Variants in NSMCE2 observed in about 807,000 individuals in gnomAD.
The protein encoded by NSMCE2 is E3 SUMO-protein ligase NSE2.
A neutral mutation model predicts 23.8 loss-of-function variants in NSMCE2; 24 were observed. The observed-to-expected ratio is 1.01, with a 90% CI of 0.73 to 1.42. The LOEUF is 1.42. NSMCE2 is among the 40% of genes most tolerant of loss of function. The probability of loss-of-function intolerance (pLI) is 0.00; values close to 1 mark genes in which losing one functional copy is unlikely to be tolerated. For synonymous variants in NSMCE2, 92 were observed against 94.1 expected (o/e 0.98, Z 0.13); for missense variants, 284 against 296.5 (o/e 0.96, Z 0.31).
chr8:125,137,689 A>G (rs186127014), intron 3 of NSMCE2, among the ~76,000 whole-genome samples: 1 of 152,314 alleles, frequency 6.6e-6, no homozygotes, highest in Admixed American at 6.5e-5. Context: ...GTTTATGCCC[A>G]AAGGGTGGTG....
intron 3 of NSMCE2, among the ~76,000 whole-genome samples, chr8:125,126,198 C>G (rs1586472031): frequency 6.6e-6 from 1 of 152,036 alleles, no homozygotes; most frequent in South Asian, 2.1e-4. Context: ...GCTTGGCCAA[C>G]TTGGTGAAGA....
intron 3 of NSMCE2, 106 bp downstream of exon 3, chr8:125,102,593 C>T (rs1818250437): frequency 7.4e-6 from 6 of 811,310 alleles, no homozygotes; most frequent in Non-Finnish European, 1.2e-5. Flanking sequence ...GATTTAACCC[C>T]TCTAGGCATC....
chr8:125,268,719 C>G (rs557704341), intron 5 of NSMCE2, among the ~76,000 whole-genome samples: 7 of 152,038 alleles, frequency 4.6e-5, no homozygotes, highest in Non-Finnish European at 7.4e-5. Flanking sequence ...AAAGAGATGC[C>G]CTGGGAGGAA....
At chr8:125,108,043 A>T (rs1342400466) in intron 3 of NSMCE2, among the ~76,000 whole-genome samples, 4 of 149,316 alleles carry the variant, frequency 2.7e-5, no homozygotes, top group African/African-American at 5.0e-5. Context: ...CAAAAAAAAA[A>T]TAAAAAAAAT....
intron 5 of NSMCE2, among the ~76,000 whole-genome samples, chr8:125,212,725 TG>T (rs1824399172): frequency 6.6e-6 from 1 of 152,220 alleles, no homozygotes. Context: ...ATTTTTTAAA[TG>T]TAGGATAGGA....
chr8:125,217,363 T>TTG (rs1824639163), intron 5 of NSMCE2, among the ~76,000 whole-genome samples: 2 of 151,488 alleles, frequency 1.3e-5, no homozygotes, highest in South Asian at 4.2e-4. Context: ...TTATTTATTT[T>TTG]TTATTTATTT....
At chr8:125,149,131 T>C (rs537163406) in intron 3 of NSMCE2, among the ~76,000 whole-genome samples, 96 of 152,298 alleles carry the variant, frequency 6.3e-4, no homozygotes, top group African/African-American at 2.2e-3. Flanking sequence ...GTTAAACATA[T>C]ATTTAATTTG....
At chr8:125,120,574 C>T (rs7831515) in intron 3 of NSMCE2, among the ~76,000 whole-genome samples, 74,022 of 152,062 alleles carry the variant, frequency 0.49, 22,309 homozygotes, top group African/African-American at 0.86. Context: ...TAGTTTCTTA[C>T]GATATTGGGC....
chr8:125,167,616 T>G (rs1821957761), intron 4 of NSMCE2, among the ~76,000 whole-genome samples: 1 of 151,894 alleles, frequency 6.6e-6, no homozygotes, highest in Non-Finnish European at 1.5e-5. Flanking sequence ...GCCTGGCAAC[T>G]GAGCAAGACT....
chr8:125,221,296 A>G (rs897787569), intron 5 of NSMCE2, among the ~76,000 whole-genome samples: 2 of 152,218 alleles, frequency 1.3e-5, no homozygotes, highest in African/African-American at 2.4e-5. Flanking sequence ...CCCATGCTGA[A>G]GTGCAGTGAC....
intron 5 of NSMCE2, among the ~76,000 whole-genome samples, chr8:125,316,608 C>CTTT (rs1829191785): frequency 6.7e-6 from 1 of 149,602 alleles, no homozygotes; most frequent in African/African-American, 2.5e-5. Context: ...TTCCTTCTTT[C>CTTT]CTTTCTTTAT....
At chr8:125,285,629 A>G (rs2131143140) in intron 5 of NSMCE2, among the ~76,000 whole-genome samples, 1 of 152,282 alleles carries the variant, frequency 6.6e-6, no homozygotes, top group Non-Finnish European at 1.5e-5. Flanking sequence ...GCACATAGTA[A>G]GTATCAATAA....
intron 5 of NSMCE2, among the ~76,000 whole-genome samples, chr8:125,222,604 G>A (rs747282790): frequency 2.0e-5 from 3 of 152,076 alleles, no homozygotes; most frequent in Non-Finnish European, 4.4e-5. Flanking sequence ...CCACGTGTAA[G>A]TGAGATCATA....
At chr8:125,093,097 A>C (rs2130283789) in intron 1 of NSMCE2, among the ~76,000 whole-genome samples, 1 of 152,350 alleles carries the variant, frequency 6.6e-6, no homozygotes, top group South Asian at 2.1e-4. Context: ...CTGTAACGGA[A>C]ATGCCATAAA....
At chr8:125,142,279 T>C (rs1280798455) in intron 3 of NSMCE2, among the ~76,000 whole-genome samples, 1 of 152,184 alleles carries the variant, frequency 6.6e-6, no homozygotes, top group Non-Finnish European at 1.5e-5. Context: ...CCATTATATA[T>C]AAAAGGAAAT....
At chr8:125,186,266 G>A (rs1823098373) in intron 5 of NSMCE2, among the ~76,000 whole-genome samples, 1 of 152,200 alleles carries the variant, frequency 6.6e-6, no homozygotes, top group Admixed American at 6.5e-5. Flanking sequence ...CACTGTCATG[G>A]CAGGGTTGAG....
chr8:125,227,183 G>A (rs1825131503), intron 5 of NSMCE2, among the ~76,000 whole-genome samples: 2 of 152,138 alleles, frequency 1.3e-5, no homozygotes, highest in South Asian at 2.1e-4. Flanking sequence ...AAATTGGGGG[G>A]CAGCCTCCAG....
chr8:125,291,997 G>T (rs1190038986), intron 5 of NSMCE2, among the ~76,000 whole-genome samples: 1 of 152,094 alleles, frequency 6.6e-6, no homozygotes, highest in Non-Finnish European at 1.5e-5. Flanking sequence ...ATTCATTCAA[G>T]CTGGTCCATG....
intron 3 of NSMCE2, among the ~76,000 whole-genome samples, chr8:125,117,026 TAC>T (rs1819039082): frequency 6.6e-6 from 1 of 151,806 alleles, no homozygotes. Flanking sequence ...TAGCTGGGAC[TAC>T]AGGCGCTCTC....
Sources: gnomAD v4.1 joint callset for allele counts (sites outside exome capture counted in the v4.1 genomes callset) on GRCh38, gnomAD v4.1.1 for gene constraint, MANE v1.5 for transcripts, NCBI Gene and HGNC (gene_info 2026-07-23, HGNC 2026-07-21) for gene names.